The following CEP128 variants were observed in gnomAD, a reference collection of about 807,000 sequenced individuals.
CEP128 encodes the protein centrosomal protein 128, also known as centrosomal protein 128kDa.
Under a neutral mutation model 156.7 loss-of-function variants are expected in CEP128, and 132 were observed. The observed-to-expected ratio is 0.84, with a 90% confidence interval of 0.73 to 0.97. CEP128 has a LOEUF of 0.97. Among genes scored for constraint, CEP128 ranks in the 50% least tolerant of loss-of-function variants. The probability of loss-of-function intolerance (pLI) is 0.00; values close to 1 mark genes in which losing one functional copy is unlikely to be tolerated. For missense variants in CEP128, 1,252 were observed against 1,281.9 expected (o/e 0.98, Z 0.36); for synonymous variants, 469 against 448.9 (o/e 1.04, Z -0.57).
chr14:80,559,390 C>T (rs1890574689), intron 20 of CEP128, 88 bp from the exon 21 acceptor site: 1 of 998,736 alleles, frequency 1.0e-6, no homozygotes, highest in Non-Finnish European at 1.5e-6. Flanking sequence ...TTCTATTTAC[C>T]ATCTATTATT....
intron 21 of CEP128, chr14:80,531,116 A>T (rs1244620683): frequency 4.1e-6 from 1 of 241,808 alleles, no homozygotes; most frequent in African/African-American, 2.2e-5. Flanking sequence ...AGACTGACTC[A>T]GATACAAAAA....
intron 19 of CEP128, among the ~76,000 whole-genome samples, chr14:80,665,983 A>G (rs561523772): frequency 6.6e-6 from 1 of 152,342 alleles, no homozygotes; most frequent in Non-Finnish European, 1.5e-5. Context: ...AAAAGAGAGA[A>G]GAGAAAATTA....
chr14:80,939,769 T>A (rs984221139), intron 1 of CEP128, among the ~76,000 whole-genome samples: 9 of 152,210 alleles, frequency 5.9e-5, no homozygotes, highest in African/African-American at 2.2e-4. Context: ...TGGGCATCCC[T>A]GGGGCTTGCC....
chr14:80,821,116 A>G (rs2139996890), intron 13 of CEP128, among the ~76,000 whole-genome samples: 1 of 152,342 alleles, frequency 6.6e-6, no homozygotes, highest in South Asian at 2.1e-4. Flanking sequence ...TACTATTTGA[A>G]CATTTTGAAG....
chr14:80,840,637 C>A (rs773262121), intron 10 of CEP128, 45 bp downstream of exon 10: 1 of 1,255,144 alleles, frequency 8.0e-7, no homozygotes, highest in Non-Finnish European at 1.2e-6. Flanking sequence ...ATACCATTGG[C>A]CCCAAACCAC....
intron 9 of CEP128, among the ~76,000 whole-genome samples, chr14:80,859,357 T>C (rs1309139106): frequency 1.5e-5 from 2 of 130,952 alleles, no homozygotes; most frequent in East Asian, 4.8e-4. Context: ...TGAGAACACA[T>C]GGACACAGGA....
chr14:80,484,192 G>T (rs2140149949), intron 14 of CEP128, among the ~76,000 whole-genome samples: 1 of 152,226 alleles, frequency 6.6e-6, no homozygotes, highest in Admixed American at 6.5e-5. Flanking sequence ...TTCCTGGGCT[G>T]GTCTCAAACT....
chr14:80,583,393 T>C (rs897120745), intron 19 of CEP128, among the ~76,000 whole-genome samples: 6 of 152,166 alleles, frequency 3.9e-5, no homozygotes, highest in African/African-American at 1.4e-4. Context: ...TTCCACATGA[T>C]TTCCATGAAA....
downstream of CEP128, among the ~76,000 whole-genome samples, chr14:80,487,418 A>T (rs987138305): frequency 2.0e-5 from 3 of 152,182 alleles, no homozygotes; most frequent in African/African-American, 7.2e-5. Flanking sequence ...CTCCCACACA[A>T]TAATAATGGG....
At chr14:80,726,088 GTACTTGT>G (rs1199014601) in intron 19 of CEP128, among the ~76,000 whole-genome samples, 1 of 151,972 alleles carries the variant, frequency 6.6e-6, no homozygotes, top group Admixed American at 6.6e-5. Context: ...CAAAACAGAG[GTACTTGT>G]TACCTTCTCT....
intron 19 of CEP128, among the ~76,000 whole-genome samples, chr14:80,719,018 A>T (rs1176524122): frequency 6.6e-6 from 1 of 152,132 alleles, no homozygotes; most frequent in Non-Finnish European, 1.5e-5. Flanking sequence ...CTCTGTCAGG[A>T]TTTGGTAAAG....
At chr14:80,557,928 T>C (rs996217151) in intron 21 of CEP128, among the ~76,000 whole-genome samples, 1 of 152,166 alleles carries the variant, frequency 6.6e-6, no homozygotes, top group African/African-American at 2.4e-5. Flanking sequence ...ATATGCACAT[T>C]TAATATTTTT....
At chr14:80,672,874 T>C (rs1895900146) in intron 19 of CEP128, among the ~76,000 whole-genome samples, 1 of 152,144 alleles carries the variant, frequency 6.6e-6, no homozygotes. Flanking sequence ...AATCATCCCA[T>C]TAAAATTTGT....
At chr14:80,602,302 A>C (rs1892612526) in intron 19 of CEP128, among the ~76,000 whole-genome samples, 1 of 152,206 alleles carries the variant, frequency 6.6e-6, no homozygotes, top group African/African-American at 2.4e-5. Context: ...TAGAACAAAT[A>C]AACATTTGAA....
intron 13 of CEP128, among the ~76,000 whole-genome samples, chr14:80,816,072 A>C (rs986486060): frequency 2.0e-5 from 3 of 152,222 alleles, no homozygotes; most frequent in African/African-American, 7.2e-5. Context: ...TCCATGTAAG[A>C]AAACTACACT....
At chr14:80,773,578 T>C (rs1566906164) in intron 16 of CEP128, among the ~76,000 whole-genome samples, 1 of 152,142 alleles carries the variant, frequency 6.6e-6, no homozygotes, top group African/African-American at 2.4e-5. Flanking sequence ...TCATAACTAT[T>C]TGCAAACGAA....
chr14:80,786,658 G>A (rs12891585), intron 14 of CEP128, among the ~76,000 whole-genome samples: 48,561 of 151,996 alleles, frequency 0.32, 8,791 homozygotes, highest in Non-Finnish European at 0.4. Context: ...CTATGGCCTC[G>A]GGGAAATCAT....
intron 7 of CEP128, among the ~76,000 whole-genome samples, chr14:80,898,776 G>A (rs968048646): frequency 3.3e-5 from 5 of 152,144 alleles, no homozygotes; most frequent in African/African-American, 9.7e-5. Context: ...AGTCTTACCA[G>A]TTTAAAAGGT....
At chr14:80,572,045 A>G (rs1347649938) in intron 20 of CEP128, among the ~76,000 whole-genome samples, 3 of 152,204 alleles carry the variant, frequency 2.0e-5, no homozygotes, top group Non-Finnish European at 2.9e-5. Flanking sequence ...GCTTGGTTTC[A>G]TGTGTGACTT....
Sources: gnomAD v4.1 joint callset for allele counts (sites outside exome capture counted in the v4.1 genomes callset) on GRCh38, gnomAD v4.1.1 for gene constraint, MANE v1.5 for transcripts, NCBI Gene and HGNC (gene_info 2026-07-23, HGNC 2026-07-21) for gene names.